Variants in PEAK1 observed in about 807,000 individuals in gnomAD.
The protein encoded by PEAK1 is pseudopodium enriched atypical kinase 1.
In PEAK1, 54 loss-of-function variants were observed where a neutral mutation model predicts 124.7. That is an observed-to-expected ratio of 0.43 (90% confidence interval 0.35 to 0.54). The LOEUF (loss-of-function observed/expected upper bound fraction) is 0.54, where lower values mean the gene tolerates loss of function less well. PEAK1 is among the 20% of genes least tolerant of loss of function. The probability of loss-of-function intolerance (pLI) is 0.01; values close to 1 mark genes in which losing one functional copy is unlikely to be tolerated. For missense variants in PEAK1, 2,046 were observed against 2,134.5 expected (o/e 0.96, Z 0.82); for synonymous variants, 719 against 760.0 (o/e 0.95, Z 0.89).
At chr15:77,415,106 T>A (rs542554783) in intron 1 of PEAK1, among the ~76,000 whole-genome samples, 1 of 152,344 alleles carries the variant, frequency 6.6e-6, no homozygotes, top group Admixed American at 6.5e-5. Flanking sequence ...AATAGTTTCT[T>A]CAGATAGTCT....
chr15:77,241,502 G>C (rs60761381), intron 6 of PEAK1, among the ~76,000 whole-genome samples: 33,886 of 151,734 alleles, frequency 0.22, 4,218 homozygotes, highest in Middle Eastern at 0.3. Flanking sequence ...AGAAGTAAAA[G>C]GCATATATAT....
chr15:77,179,663 C>G lies in PEAK1; in HGVS notation c.2264G>C (p.Gly755Ala). 6.2e-7 allele frequency: 1 copy of G among 1,614,096 alleles called. No individual in the cohort carries two copies. Among genetic ancestry groups the G allele is most frequent in the Non-Finnish European group, 8.5e-7 (1 of 1,180,016 alleles). ...IEGTQESQMVGSSSTREKAST... is the reference protein window; with the variant it reads ...IEGTQESQMVASSSTREKAST... ...TGCTTTCTCTCTGGTGCTGCTGCTG[C>G]CCACCATCTGAGACTCCTGAGTGCC... is the stretch of plus-strand genomic sequence containing the variant. The change falls in exon 7 of 10, where the codon GGC becomes GCC. Residue 755 changes from glycine (G) to alanine (A), a missense_variant. By Grantham distance (60) the Gly-to-Ala change is moderately conservative. Transcript: ENST00000682557.
At chr15:77,346,792 A>AGTG in intron 2 of PEAK1, 1 of 948,080 alleles carries the variant, frequency 1.1e-6, no homozygotes, top group Non-Finnish European at 1.3e-6. Flanking sequence ...ATATTTACTG[A>AGTG]AATGCCTATT....
chr15:77,259,443 T>C (rs1238220207), intron 5 of PEAK1, among the ~76,000 whole-genome samples: 1 of 152,200 alleles, frequency 6.6e-6, no homozygotes, highest in South Asian at 2.1e-4. Context: ...AAGTTTGTAA[T>C]GGGCTCTCTG....
intron 6 of PEAK1, among the ~76,000 whole-genome samples, chr15:77,208,219 T>G (rs2058753085): frequency 6.6e-6 from 1 of 152,230 alleles, no homozygotes; most frequent in South Asian, 2.1e-4. Context: ...ATCATTTTAG[T>G]ACATTTTAAT....
At chr15:77,349,376 A>C (rs959000975) in intron 2 of PEAK1, 1 of 983,892 alleles carries the variant, frequency 1.0e-6, no homozygotes, top group Non-Finnish European at 1.2e-6. Context: ...CACTACAAAG[A>C]CATAAATGTT....
intron 2 of PEAK1, among the ~76,000 whole-genome samples, chr15:77,299,438 G>C (rs181262944): frequency 6.6e-6 from 1 of 151,922 alleles, no homozygotes; most frequent in African/African-American, 2.4e-5. Context: ...ACCATAATAC[G>C]ATCATCAAAA....
At chr15:77,371,457 TC>T (rs1433564740) in intron 1 of PEAK1, 5 of 983,502 alleles carry the variant, frequency 5.1e-6, no homozygotes, top group Non-Finnish European at 6.0e-6. Flanking sequence ...AATAATCTAT[TC>T]ACATGTAACT....
At chr15:77,274,364 G>A (rs2062197219) in intron 5 of PEAK1, among the ~76,000 whole-genome samples, 1 of 151,948 alleles carries the variant, frequency 6.6e-6, no homozygotes, top group African/African-American at 2.4e-5. Context: ...GAAAATCTTT[G>A]CAATCTATCC....
chr15:77,401,171 C>T (rs2071347158), intron 1 of PEAK1, among the ~76,000 whole-genome samples: 1 of 152,148 alleles, frequency 6.6e-6, no homozygotes, highest in Non-Finnish European at 1.5e-5. Flanking sequence ...CTGGATACTA[C>T]AAAAACTGCT....
intron 2 of PEAK1, among the ~76,000 whole-genome samples, chr15:77,308,925 T>C (rs1382472463): frequency 6.6e-6 from 1 of 151,930 alleles, no homozygotes; most frequent in Non-Finnish European, 1.5e-5. Flanking sequence ...CTGTATACAA[T>C]ACAAAATCAA....
chr15:77,145,407 CCACTG>C (rs2152760718), intron 8 of PEAK1, among the ~76,000 whole-genome samples: 1 of 152,070 alleles, frequency 6.6e-6, no homozygotes, highest in African/African-American at 2.4e-5. Context: ...CACCATCATG[CCACTG>C]CACTGCAGCT....
chr15:77,278,446 C>T (rs1302476914), intron 5 of PEAK1: 1 of 450,520 alleles, frequency 2.2e-6, no homozygotes, highest in Non-Finnish European at 4.4e-6. Flanking sequence ...CACCTATGTC[C>T]TACCACATCG....
At chr15:77,419,816 G>T (rs1246138203) in intron 1 of PEAK1, among the ~76,000 whole-genome samples, 190 bp downstream of exon 1, 1 of 148,134 alleles carries the variant, frequency 6.8e-6, no homozygotes, top group Non-Finnish European at 1.5e-5. Flanking sequence ...AGCCCGCGCC[G>T]GGCGGGACGC....
chr15:77,258,860 G>A (rs902293697), intron 5 of PEAK1, among the ~76,000 whole-genome samples: 4 of 152,270 alleles, frequency 2.6e-5, no homozygotes, highest in African/African-American at 7.2e-5. Flanking sequence ...TTGGCTGTGG[G>A]TTTGTCATAG....
rs534784419 is a variant in PEAK1 at position 77,184,795 on chromosome 15, G to A, written c.-114-2755C>T. ...GCCCGTAATCTTAGCTACTCAGGAG[G>A]CTGAGGCATGAGAATTGCTTGAACC... On this transcript the variant is annotated intron_variant, in intron 6 of 9. Transcript: ENST00000682557. Among the ~76,000 whole-genome samples the A allele has an allele frequency of 3.3e-5, 5 of 152,294 alleles. No homozygotes were observed. The South Asian group carries it at 8.3e-4, about 25-fold the overall frequency.
chr15:77,209,267 G>A, intron 6 of PEAK1, among the ~76,000 whole-genome samples: 1 of 152,222 alleles, frequency 6.6e-6, no homozygotes, highest in East Asian at 1.9e-4. Flanking sequence ...TTCAGCTATT[G>A]AGTCTAAACA....
intron 8 of PEAK1, among the ~76,000 whole-genome samples, chr15:77,140,871 A>G (rs1403771455): frequency 6.6e-6 from 1 of 151,832 alleles, no homozygotes; most frequent in Non-Finnish European, 1.5e-5. Context: ...AGTAGCCAGG[A>G]CTACTATTTT....
intron 1 of PEAK1, chr15:77,381,345 T>A (rs2069461848): frequency 1.3e-6 from 1 of 773,962 alleles, no homozygotes; most frequent in Non-Finnish European, 1.6e-6. Flanking sequence ...AGGCCAGGAG[T>A]TAATGGCTGT....
Sources: gnomAD v4.1 joint callset for allele counts (sites outside exome capture counted in the v4.1 genomes callset) on GRCh38, gnomAD v4.1.1 for gene constraint, MANE v1.5 for transcripts, NCBI Gene and HGNC (gene_info 2026-07-23, HGNC 2026-07-21) for gene names.